The following SF3B1 variants were observed in gnomAD, a reference collection of about 807,000 sequenced individuals.
SF3B1 encodes pre-mRNA processing 10.
Under a neutral mutation model 153.8 loss-of-function variants are expected in SF3B1, and 12 were observed. The ratio of observed to expected loss-of-function variants is 0.08; its 90% CI spans 0.05 to 0.13. The LOEUF is 0.13. Ranked by LOEUF, SF3B1 falls within the 10% of genes least tolerant of loss-of-function variation. The pLI, the probability that SF3B1 is intolerant of heterozygous loss-of-function variation, is 1.00. For synonymous variants in SF3B1, 498 were observed against 525.2 expected, an observed-to-expected ratio of 0.95 and a Z score of 0.71; for missense variants, 513 against 1,606.1, an observed-to-expected ratio of 0.32 and a Z score of 11.63.
At chr2:197,393,247 T>C (rs1465494506) in intron 23 of SF3B1, 59 bp from the exon 24 acceptor site, 1 of 1,080,806 alleles carries the variant, frequency 9.3e-7, no homozygotes, top group African/African-American at 1.6e-5. Flanking sequence ...GGGGGAAAAA[T>C]CCTTAAAGAT....
chr2:197,397,501 AT>A (rs1375973511), intron 22 of SF3B1, among the ~76,000 whole-genome samples: 1 of 152,200 alleles, frequency 6.6e-6, no homozygotes, highest in Non-Finnish European at 1.5e-5. Context: ...TTAATTAAGA[AT>A]TTAAGACTAC....
At position 197,400,871 on chromosome 2, in the gene SF3B1, C is replaced by T. The variant is rs2105982863; in HGVS notation, c.2562G>A (p.Val854=). Residue 854 remains valine, a synonymous_variant, in exon 18 of 25, where the codon GTG becomes GTA. Transcript: ENST00000335508. The surrounding 1 kb of genome is among the most constrained non-coding windows in gnomAD (Gnocchi z 5.0). ...GTTCGGCTTCATCTTTCAGATCATC[C>T]ACAATCCTGGATATAATTTCTGCTG... ...VGAAEIISRI[V]DDLKDEAEQY... is the part of the protein sequence containing the mutation. The T allele has an allele frequency of 1.2e-6, 2 of 1,613,738 alleles. No homozygotes were observed. Among genetic ancestry groups the T allele is most frequent in the Non-Finnish European group, 1.7e-6 (2 of 1,179,834 alleles).
At chr2:197,433,452 G>A (rs1034550249) in intron 1 of SF3B1, among the ~76,000 whole-genome samples, 11 of 152,124 alleles carry the variant, frequency 7.2e-5, no homozygotes, top group African/African-American at 2.7e-4. Flanking sequence ...ATCCCCAAAT[G>A]AATAACATCC....
rs149424480 is a variant in SF3B1 at position 197,414,620 on chromosome 2, G to C, written c.666+2121C>G. 5.4e-3 allele frequency among the ~76,000 whole-genome samples: 824 copies of C among 152,316 alleles called. 6 individuals are homozygous for C. The highest frequency in any genetic ancestry group is 0.018 in the African/African-American group (755 of 41,566). On this transcript the variant is annotated intron_variant, in intron 6 of 24. Coordinates refer to ENST00000335508, the MANE Select transcript of SF3B1 (RefSeq NM_012433.4). ...TATCAATTAGGGGCCAAGTGACCTT[G>C]ACAAGAGATTTTAGGTGGAATAGAC...
At position 197,400,841 on chromosome 2, in the gene SF3B1, G is replaced by A. The variant is rs777721957; in HGVS notation, c.2592C>T (p.Tyr864=). ...VDDLKDEAEQ[Y]RKMVMETIEK... Reference sequence around the variant, plus strand: ...CAATTGTCTCCATCACCATTTTTCTGTACTGTTCGGCTTCATCTTTCAGAT... The same window carrying A: ...CAATTGTCTCCATCACCATTTTTCTATACTGTTCGGCTTCATCTTTCAGAT... The change falls in exon 18 of 25, where the codon TAC becomes TAT. Residue 864 remains tyrosine (Y), a synonymous_variant. Transcript: ENST00000335508. The surrounding 1 kb of genome is among the most constrained non-coding windows in gnomAD (Gnocchi z 5.0). The A allele has an allele frequency of 1.9e-6, 3 of 1,613,324 alleles. No homozygotes were observed. In the South Asian group the frequency reaches 3.3e-5, roughly 18 times the overall value.
At position 197,392,386 on chromosome 2, in the gene SF3B1, C is replaced by A. The variant is rs1169142901; in HGVS notation, c.3832G>T (p.Asp1278Tyr). Residue 1278 changes from aspartate (D) to tyrosine (Y), a missense_variant, in exon 25 of 25, where the codon GAC (aspartate) becomes TAC (tyrosine). By Grantham distance (160) the Asp-to-Tyr change is radical. Transcript: ENST00000335508. ...IYNSIYIGSQ[D>Y]ALIAHYPRIY... ...CTTGGGTAATGTGCTATGAGAGCGT[C>A]CTGGGAACCAATGTAGATGGAGTTG... is the stretch of plus-strand genomic sequence containing the variant. 6.2e-7 allele frequency: 1 copy of A among 1,612,120 alleles called. No homozygotes were observed. Among genetic ancestry groups the A allele is most frequent in the Non-Finnish European group, 8.5e-7 (1 of 1,178,356 alleles).
At chr2:197,398,364 AT>A in intron 21 of SF3B1, 96 bp downstream of exon 21, 1 of 1,271,970 alleles carries the variant, frequency 7.9e-7, no homozygotes, top group Non-Finnish European at 1.1e-6. Context: ...TTTTACACTT[AT>A]ATTAGTGACA....
In SF3B1 at chr2:197,424,085, G is replaced by A. The variant is rs2085291891; in HGVS notation, c.29-111C>T. 3.3e-6 allele frequency: 3 copies of A among 911,236 alleles called. No individual in the cohort carries two copies. The East Asian group carries it at 7.9e-5, about 24-fold the overall frequency. 56.4% of individuals were successfully genotyped at this position (911,236 alleles called of 1,614,324 possible). ...AAATACTCTCTTAAATACAGAAAAT[G>A]TACAATAATTGCACCATATAAGAGA... On this transcript the variant is annotated intron_variant, in intron 1 of 24. Transcript: ENST00000335508.
intron 2 of SF3B1, 85 bp downstream of exon 2, chr2:197,423,723 A>C: frequency 2.2e-6 from 3 of 1,359,064 alleles, no homozygotes; most frequent in Non-Finnish European, 3.1e-6. Context: ...TCTCCAGATT[A>C]AACCAGATGG....
rs1559270755 is a variant in SF3B1 at position 197,412,345 on chromosome 2, T to TTA, written c.667-2339_667-2338insTA. Among the ~76,000 whole-genome samples, 307 of 99,302 alleles carry TTA rather than the reference T, an allele frequency of 3.1e-3. 1 individual carries two copies. The highest frequency in any genetic ancestry group is 7.9e-3 in the Admixed American group (75 of 9,526). The allele number at this position is 99,302 out of a possible 152,430, so 65.1% of individuals were successfully genotyped here. ...AAAAGTCTGAGTCTCTGATTTAATT[T>TTA]ATTTATTTATTTATTTATTTATTTA... is the stretch of plus-strand genomic sequence containing the variant. On this transcript the variant is annotated intron_variant, in intron 6 of 24. Transcript: ENST00000335508.
intron 3 of SF3B1, among the ~76,000 whole-genome samples, chr2:197,420,760 A>G (rs1208477826): frequency 6.6e-6 from 1 of 152,228 alleles, no homozygotes; most frequent in Non-Finnish European, 1.5e-5. Context: ...GCTTCATTAA[A>G]TGATTACAGC....
intron 1 of SF3B1, among the ~76,000 whole-genome samples, chr2:197,424,774 T>C (rs765325160): frequency 6.6e-6 from 1 of 152,268 alleles, no homozygotes; most frequent in Non-Finnish European, 1.5e-5. Context: ...ATAGTTTCGA[T>C]TGCAAAAGAT....
intron 22 of SF3B1, 112 bp downstream of exon 22, chr2:197,397,873 T>C: frequency 1.6e-6 from 1 of 638,496 alleles, no homozygotes; most frequent in Non-Finnish European, 2.6e-6. Flanking sequence ...CTTTCTCAAC[T>C]GCATTATTCA....
rs2084799698 is a variant in SF3B1 at position 197,390,602 on chromosome 2, G to C, written c.*1701C>G. On this transcript the variant is annotated 3_prime_UTR_variant, in exon 25 of 25. Transcript: ENST00000335508. The stretch of plus-strand genomic sequence containing the variant: ...CCTTAATGCTCACTATCAATTTGTT[G>C]AAAGTCAATTTTTTTTTTTTTTTTG... The C allele has an allele frequency of 7.2e-6, 1 of 138,774 alleles. No individual in the cohort carries two copies. The highest frequency in any genetic ancestry group is 1.5e-5 in the Non-Finnish European group (1 of 65,862). 8.6% of individuals were successfully genotyped at this position (138,774 alleles called of 1,614,324 possible). A position where few individuals can be genotyped will look rare whatever the true frequency, so the allele number is the denominator to read the frequency against.
At chr2:197,404,908 G>A (rs2084973848) in intron 11 of SF3B1, 168 bp downstream of exon 11, 2 of 539,788 alleles carry the variant, frequency 3.7e-6, no homozygotes, top group Non-Finnish European at 6.6e-6. Context: ...GCCAGGTGCA[G>A]AGCCTCACAC....
In SF3B1 at chr2:197,412,341, AATTTATTTATTT is replaced by A. The variant is rs138215794; in HGVS notation, c.667-2346_667-2335del. Among the ~76,000 whole-genome samples the A allele has an allele frequency of 7.4e-3, 1,081 of 145,786 alleles. 6 individuals are homozygous for A. Among genetic ancestry groups the A allele is most frequent in the South Asian group, 0.022 (99 of 4,466 alleles). On this transcript the variant is annotated intron_variant, in intron 6 of 24. Transcript: ENST00000335508. ...TTAAAAAAGTCTGAGTCTCTGATTTAATTTATTTATTTATTTATTTATTTATTTATTTGAGAC... is the reference window on the plus strand; with the variant it reads ...TTAAAAAAGTCTGAGTCTCTGATTTAATTTATTTATTTATTTATTTGAGAC...
chr2:197,432,033 G>C lies in SF3B1; in HGVS notation c.28+2939C>G, dbSNP rs556805396. ...GTAGCTACTCAGGAGGCTGAAATGG[G>C]AGGATCACTTGAGCCCAGCAGTTGT... is the stretch of plus-strand genomic sequence containing the variant. On this transcript the variant is annotated intron_variant, in intron 1 of 24. Transcript: ENST00000335508. Among the ~76,000 whole-genome samples the C allele has an allele frequency of 4.6e-5, 7 of 152,270 alleles. No homozygotes were observed. The East Asian group carries it at 1.2e-3, about 25-fold the overall frequency.
In SF3B1 at chr2:197,401,473, G is replaced by A. The variant is rs2084936179; in HGVS notation, c.2423C>T (p.Thr808Ile). ...TTTAAAAAAGGGAGGAAGAATCTCTGTTTTAATGTAGTTTGCTTCTACACC... is the reference window on the plus strand; with the variant it reads ...TTTAAAAAAGGGAGGAAGAATCTCTATTTTAATGTAGTTTGCTTCTACACC... Reference protein sequence around the residue: ...TDGVEANYIKTEILPPFFKHF... With the variant: ...TDGVEANYIKIEILPPFFKHF... The change falls in exon 17 of 25, where the codon ACA becomes ATA. Residue 808 changes from threonine to isoleucine, a missense_variant. Thr to Ile is a moderately conservative substitution (Grantham distance 89). Around this residue, in one of 21 missense-constraint regions of SF3B1, gnomAD observed 50 missense variants for 236.5 expected, o/e 0.21. Coordinates refer to ENST00000335508, the MANE Select transcript of SF3B1 (RefSeq NM_012433.4). This position sits in a 1 kb window ranked among gnomAD's most constrained non-coding sequence, Gnocchi z 4.2. 6.2e-7 allele frequency: 1 copy of A among 1,611,520 alleles called. No homozygotes were observed.
Position 197,432,135 on chromosome 2 carries a change from C to G in SF3B1, c.28+2837G>C, listed in dbSNP as rs374628333. Among the ~76,000 whole-genome samples, 75 of 152,150 alleles carry G rather than the reference C, an allele frequency of 4.9e-4. 2 individuals are homozygous for G. In the South Asian group the frequency reaches 0.015, roughly 31 times the overall value. Reference sequence around the variant, plus strand: ...CAAGACCCGGTCTCAAAAATAAACACAGGAAAAAATATATAGATCAGCAAG... The same window carrying G: ...CAAGACCCGGTCTCAAAAATAAACAGAGGAAAAAATATATAGATCAGCAAG... On this transcript the variant is annotated intron_variant, in intron 1 of 24. Transcript: ENST00000335508.
Sources: gnomAD v4.1 joint callset for allele counts (sites outside exome capture counted in the v4.1 genomes callset) on GRCh38, gnomAD v4.1.1 for gene constraint, gnomAD v4.1.1 regional missense constraint, Gnocchi (gnomAD v3.1) non-coding constraint, MANE v1.5 for transcripts, NCBI Gene and HGNC (gene_info 2026-07-23, HGNC 2026-07-21) for gene names.